CPXM2: variants seen among roughly 807,000 people sequenced by gnomAD.
The protein encoded by CPXM2 is carboxypeptidase X, M14 family member 2, also known as inactive carboxypeptidase-like protein X2.
In CPXM2, 66 loss-of-function variants were observed where a neutral mutation model predicts 86.1. That is an observed-to-expected ratio of 0.77 (90% CI 0.63 to 0.94). The LOEUF is 0.94. CPXM2 is among the 40% of genes least tolerant of loss of function. CPXM2 has a pLI of 0.00. For missense variants in CPXM2, 948 were observed against 1,026.3 expected (o/e 0.92, Z 1.04); for synonymous variants, 388 against 400.2 (o/e 0.97, Z 0.36).
upstream of CPXM2, among the ~76,000 whole-genome samples, chr10:123,940,606 C>T (rs1314846451): frequency 6.6e-6 from 1 of 152,180 alleles, no homozygotes; most frequent in East Asian, 1.9e-4. Context: ...TTGGGGGACG[C>T]CTCAACACCC....
intron 3 of CPXM2, among the ~76,000 whole-genome samples, chr10:123,849,575 G>A (rs1848561030): frequency 6.6e-6 from 1 of 151,424 alleles, no homozygotes; most frequent in Admixed American, 6.6e-5. Flanking sequence ...CACCACATCT[G>A]GCTAATTTTT....
intron 4 of CPXM2, among the ~76,000 whole-genome samples, chr10:123,834,560 C>T (rs1848239901): frequency 6.6e-6 from 1 of 152,190 alleles, no homozygotes; most frequent in South Asian, 2.1e-4. Context: ...AGGGCAGCAG[C>T]AGGCCTGGTG....
intron 6 of CPXM2, among the ~76,000 whole-genome samples, chr10:123,793,332 C>T (rs111885278): frequency 0.24 from 36,418 of 151,652 alleles, 6,097 homozygotes; most frequent in African/African-American, 0.48. Context: ...GGTGTGGTGG[C>T]GGGGGCCTGT....
rs556885282 is a variant in CPXM2 at position 123,760,725 on chromosome 10, C to G, written c.1777+1147G>C. The stretch of plus-strand genomic sequence containing the variant: ...TCTGTGAGCCACACGTCAAGCACAT[C>G]CACATCTTCCACCTGCGTAATCCTC... On this transcript the variant is annotated intron_variant, in intron 11 of 13. Transcript: ENST00000241305. 9.9e-5 allele frequency among the ~76,000 whole-genome samples: 15 copies of G among 152,282 alleles called. No individual in the cohort carries two copies. The East Asian group carries it at 2.9e-3, about 29-fold the overall frequency.
chr10:123,837,777 T>G (rs564418019), intron 4 of CPXM2, among the ~76,000 whole-genome samples: 3 of 152,368 alleles, frequency 2.0e-5, no homozygotes, highest in African/African-American at 7.2e-5. Flanking sequence ...GTATAAGTTA[T>G]CGTATTACTT....
chr10:123,831,954 C>G (rs1236839740), intron 4 of CPXM2, among the ~76,000 whole-genome samples: 2 of 20,840 alleles, frequency 9.6e-5, no homozygotes, highest in Non-Finnish European at 1.9e-4. Flanking sequence ...GGGTGGGGGG[C>G]GTGCCAGGGG....
intron 3 of CPXM2, among the ~76,000 whole-genome samples, chr10:123,860,658 G>A (rs1848829565): frequency 1.3e-5 from 2 of 152,148 alleles, no homozygotes; most frequent in African/African-American, 4.8e-5. Flanking sequence ...CACAAAACAG[G>A]CTGCACACGC....
chr10:123,878,511 G>A (rs909966186), intron 2 of CPXM2, among the ~76,000 whole-genome samples: 31 of 124,178 alleles, frequency 2.5e-4, no homozygotes, highest in East Asian at 8.1e-4. Context: ...TCAGACGTGT[G>A]TGTGTGTGTG....
intron 3 of CPXM2, among the ~76,000 whole-genome samples, chr10:123,850,695 C>T (rs1240920117): frequency 5.3e-5 from 8 of 152,076 alleles, no homozygotes; most frequent in Admixed American, 5.2e-4. Flanking sequence ...TAAAATGCTT[C>T]CTTTAAGTGA....
intron 13 of CPXM2, chr10:123,750,132 T>A (rs1410682988): frequency 1.0e-6 from 1 of 985,278 alleles, no homozygotes; most frequent in Non-Finnish European, 1.2e-6. Context: ...AGTTTATTTT[T>A]AATAATGAAA....
intron 1 of CPXM2, among the ~76,000 whole-genome samples, chr10:123,880,662 T>C (rs1444990581): frequency 1.3e-5 from 2 of 151,720 alleles, no homozygotes; most frequent in Non-Finnish European, 2.9e-5. Flanking sequence ...ACCCTGTCTC[T>C]ACTAAAAATA....
chr10:123,933,477 G>A (rs1246447423), intron 2 of CPXM2, among the ~76,000 whole-genome samples: 2 of 152,180 alleles, frequency 1.3e-5, no homozygotes, highest in Non-Finnish European at 2.9e-5. Context: ...TCAGCACTTG[G>A]GAGGCCAAGG....
intron 7 of CPXM2, among the ~76,000 whole-genome samples, chr10:123,772,261 GGTTCTC>G (rs1846655493): frequency 5.5e-4 from 1 of 1,814 alleles, no homozygotes; most frequent in East Asian, 0.031. Flanking sequence ...CCCTGGTTGT[GGTTCTC>G]ACCTTCACTG....
At chr10:123,862,788 C>G in intron 2 of CPXM2, 65 bp from the exon 3 acceptor site, 1 of 1,406,016 alleles carries the variant, frequency 7.1e-7, no homozygotes, top group Non-Finnish European at 1.0e-6. Flanking sequence ...TTCTTATTTT[C>G]TAAATCTGGC....
rs528298351 is a variant in CPXM2 at position 123,923,541 on chromosome 10, A to T, written n.174+15936T>A. ...GCTTGCAGTGAGCCGAGATCGCGCC[A>T]CTGCACTCCAGCCTGGGCGACAGAG... On this transcript the variant is annotated intron_variant and non_coding_transcript_variant, in intron 2 of 19. Transcript: ENST00000368854. Among the ~76,000 whole-genome samples the T allele has an allele frequency of 5.5e-4, 83 of 151,674 alleles. No homozygotes were observed. The South Asian group carries it at 0.017, about 31-fold the overall frequency.
intron 3 of CPXM2, among the ~76,000 whole-genome samples, chr10:123,845,026 C>G (rs905757471): frequency 1.5e-4 from 23 of 149,326 alleles, no homozygotes; most frequent in African/African-American, 5.7e-4. Context: ...AAGATTGCAC[C>G]ACTGCACTCT....
At chr10:123,838,235 G>C (rs1199861294) in intron 4 of CPXM2, among the ~76,000 whole-genome samples, 1 of 152,216 alleles carries the variant, frequency 6.6e-6, no homozygotes. Flanking sequence ...GCCGAGGCGG[G>C]AGGATTACCT....
At chr10:123,793,462 CAAAAAAAAAAAAAA>C (rs34757620) in intron 6 of CPXM2, among the ~76,000 whole-genome samples, 3 of 59,214 alleles carry the variant, frequency 5.1e-5, no homozygotes, top group African/African-American at 5.8e-5. Context: ...GACTCCGTCT[CAAAAAAAAAAAAAA>C]AAAAAAAAAA....
At chr10:123,796,559 CA>C (rs1256201347) in intron 6 of CPXM2, among the ~76,000 whole-genome samples, 5 of 150,888 alleles carry the variant, frequency 3.3e-5, no homozygotes, top group South Asian at 2.1e-4. Flanking sequence ...TCTTTCTCAC[CA>C]ACATGAGGTT....
Sources: gnomAD v4.1 joint callset for allele counts (sites outside exome capture counted in the v4.1 genomes callset) on GRCh38, gnomAD v4.1.1 for gene constraint, MANE v1.5 for transcripts, NCBI Gene and HGNC (gene_info 2026-07-23, HGNC 2026-07-21) for gene names.